Variants in RGS22 observed in about 807,000 individuals in gnomAD.
The protein encoded by RGS22 is regulator of G protein signaling 22, also known as regulator of G-protein signaling 22.
In RGS22, 148 loss-of-function variants were observed where a neutral mutation model predicts 172.9. That is an observed-to-expected ratio of 0.86 (90% CI 0.75 to 0.98). RGS22 has a LOEUF of 0.98. Ranked by LOEUF, RGS22 falls within the 50% of genes least tolerant of loss-of-function variation. The pLI, the probability that RGS22 is intolerant of heterozygous loss-of-function variation, is 0.00. For synonymous variants in RGS22, 458 were observed against 480.2 expected (o/e 0.95, Z 0.60); for missense variants, 1,347 against 1,440.8 (o/e 0.93, Z 1.05).
At chr8:100,049,360 T>C (rs1385658264) in intron 10 of RGS22, among the ~76,000 whole-genome samples, 2 of 152,192 alleles carry the variant, frequency 1.3e-5, no homozygotes, top group Non-Finnish European at 2.9e-5. Flanking sequence ...TTAGAGTATT[T>C]TCTGCCAAGG....
At chr8:99,995,448 C>T (rs964836446) in intron 20 of RGS22, among the ~76,000 whole-genome samples, 1 of 152,142 alleles carries the variant, frequency 6.6e-6, no homozygotes, top group Non-Finnish European at 1.5e-5. Context: ...AAAAAGTGGG[C>T]GAAGGATATG....
intron 7 of RGS22, among the ~76,000 whole-genome samples, chr8:100,065,083 A>G (rs1810444114): frequency 6.6e-6 from 1 of 152,216 alleles, no homozygotes; most frequent in Non-Finnish European, 1.5e-5. Flanking sequence ...AGATCAGTTA[A>G]CTGTTGTCAT....
At chr8:100,098,961 G>A (rs1813251309) in intron 2 of RGS22, among the ~76,000 whole-genome samples, 1 of 148,716 alleles carries the variant, frequency 6.7e-6, no homozygotes. Context: ...CTGTCACCAG[G>A]CTGGAGTGCA....
intron 14 of RGS22, among the ~76,000 whole-genome samples, chr8:100,037,777 A>G (rs967633470): frequency 6.6e-6 from 1 of 152,186 alleles, no homozygotes; most frequent in Admixed American, 6.5e-5. Flanking sequence ...GCAAAAGGTT[A>G]TAGAGAATTA....
At chr8:100,045,587 C>G (rs999727868) in intron 11 of RGS22, among the ~76,000 whole-genome samples, 1 of 151,948 alleles carries the variant, frequency 6.6e-6, no homozygotes, top group Non-Finnish European at 1.5e-5. Context: ...AAAAAAGGCA[C>G]TCTTATACAA....
intron 4 of RGS22, among the ~76,000 whole-genome samples, chr8:100,074,269 T>TA (rs1811185565): frequency 6.6e-6 from 1 of 152,242 alleles, no homozygotes; most frequent in Non-Finnish European, 1.5e-5. Context: ...TCTTATTGGT[T>TA]AGATTTATTG....
At chr8:100,046,664 G>A (rs956506763) in intron 11 of RGS22, among the ~76,000 whole-genome samples, 9 of 149,764 alleles carry the variant, frequency 6.0e-5, no homozygotes, top group African/African-American at 2.2e-4. Context: ...CTGCTTAAAG[G>A]CATCTGCGTG....
At position 100,095,572 on chromosome 8, in the gene RGS22, C is replaced by A. The variant is rs566476761; in HGVS notation, c.55-2063G>T. On this transcript the variant is annotated intron_variant, in intron 2 of 27. Transcript: ENST00000360863. ...AAAATGAAATAAAAGATACATATTG[C>A]AATCCCAATTTTTTGTTATTAAATT... 2.6e-5 allele frequency among the ~76,000 whole-genome samples: 4 copies of A among 152,232 alleles called. No individual in the cohort carries two copies. In the South Asian group the frequency reaches 8.3e-4, roughly 32 times the overall value.
chr8:100,051,809 ATGTT>A (rs1447977551), intron 10 of RGS22, among the ~76,000 whole-genome samples: 2 of 30,728 alleles, frequency 6.5e-5, no homozygotes, highest in Admixed American at 6.9e-4. Context: ...TTATATATAA[ATGTT>A]TATATATATT....
At chr8:100,047,736 A>T (rs1396614712) in intron 10 of RGS22, 140 bp from the exon 11 acceptor site, 4 of 699,282 alleles carry the variant, frequency 5.7e-6, no homozygotes, top group Non-Finnish European at 8.2e-6. Context: ...TAAAATAGAA[A>T]TTTTTTCTTT....
chr8:100,043,628 G>T (rs1433484273), intron 11 of RGS22, among the ~76,000 whole-genome samples: 1 of 151,870 alleles, frequency 6.6e-6, no homozygotes, highest in Non-Finnish European at 1.5e-5. Context: ...ATACAAAAAT[G>T]AGCTGGGCGT....
At position 100,062,726 on chromosome 8, in the gene RGS22, T is replaced by C. The variant is rs777928964; in HGVS notation, c.1379A>G (p.Tyr460Cys). The change falls in exon 9 of 28, where the codon TAT becomes TGT. Residue 460 changes from tyrosine to cysteine, a missense_variant. Transcript: ENST00000360863. Reference protein sequence around the residue: ...QRHLEKMKKCYLVSNGDYYLS... With the variant: ...QRHLEKMKKCCLVSNGDYYLS... ...GTAGTAATCTCCATTGCTCACTAGA[T>C]AGCATTTTTTCATCTTCTCAAGATG... 1.2e-5 allele frequency: 19 copies of C among 1,601,316 alleles called. No homozygotes were observed. The highest frequency in any genetic ancestry group is 1.7e-4 in the Middle Eastern group (1 of 6,022).
chr8:99,989,693 A>C (rs943018210), intron 20 of RGS22, among the ~76,000 whole-genome samples: 1 of 152,070 alleles, frequency 6.6e-6, no homozygotes. Context: ...AAATTGCAAA[A>C]AATAAGCCAG....
At chr8:100,027,396 C>T (rs940865181) in intron 14 of RGS22, among the ~76,000 whole-genome samples, 1 of 152,150 alleles carries the variant, frequency 6.6e-6, no homozygotes, top group Non-Finnish European at 1.5e-5. Context: ...GCAGGCTTCT[C>T]AGTGAATGTT....
At chr8:99,981,595 A>G (rs538574398) in intron 22 of RGS22, among the ~76,000 whole-genome samples, 48 of 152,292 alleles carry the variant, frequency 3.2e-4, no homozygotes, top group Non-Finnish European at 5.6e-4. Context: ...TCAGTCACAT[A>G]TGCAAAGATT....
At chr8:99,995,978 G>A (rs2131297913) in intron 20 of RGS22, among the ~76,000 whole-genome samples, 1 of 152,160 alleles carries the variant, frequency 6.6e-6, no homozygotes, top group East Asian at 1.9e-4. Flanking sequence ...GGATGAAGCT[G>A]GAAACCATCA....
At chr8:99,974,596 G>A (rs1382586067) in intron 23 of RGS22, among the ~76,000 whole-genome samples, 3 of 149,944 alleles carry the variant, frequency 2.0e-5, no homozygotes, top group South Asian at 2.1e-4. Flanking sequence ...TCAGGAGTTC[G>A]AGACCAGCCT....
intron 14 of RGS22, among the ~76,000 whole-genome samples, chr8:100,013,066 T>C (rs3133678): frequency 0.63 from 92,815 of 148,398 alleles, 29,196 homozygotes; most frequent in African/African-American, 0.69. Context: ...CTCGGCTCAC[T>C]GCAAGCTCCG....
intron 18 of RGS22, among the ~76,000 whole-genome samples, chr8:100,001,197 AT>A (rs1258558160): frequency 2.1e-5 from 1 of 48,706 alleles, no homozygotes; most frequent in African/African-American, 1.1e-4. Flanking sequence ...CTGAATCCCA[AT>A]TTTTTATATA....
Sources: gnomAD v4.1 joint callset for allele counts (sites outside exome capture counted in the v4.1 genomes callset) on GRCh38, gnomAD v4.1.1 for gene constraint, MANE v1.5 for transcripts, NCBI Gene and HGNC (gene_info 2026-07-23, HGNC 2026-07-21) for gene names.